The following CDK5RAP1 variants were observed in gnomAD, a reference collection of about 807,000 sequenced individuals.
CDK5RAP1 encodes the protein CDK5RAP1 mitochondrial tRNA methylthiotransferase.
CDK5RAP1 carries 62 observed loss-of-function variants against 64.5 expected under a neutral mutation model. That is an observed-to-expected ratio of 0.96 (90% confidence interval 0.78 to 1.19). CDK5RAP1 has a LOEUF of 1.19. Among genes scored for constraint, CDK5RAP1 ranks in the 50% most tolerant of loss-of-function variants. The pLI is 0.00. For missense variants in CDK5RAP1, 657 were observed against 735.0 expected (o/e 0.89, Z 1.23); for synonymous variants, 250 against 261.9 (o/e 0.95, Z 0.44).
chr20:33,360,857 G>C (rs974781033), intron 12 of CDK5RAP1, among the ~76,000 whole-genome samples: 10 of 152,182 alleles, frequency 6.6e-5, no homozygotes, highest in Non-Finnish European at 1.5e-4. Context: ...ACTTATGAAT[G>C]AATGTTCTGG....
At chr20:33,384,320 T>C (rs1336093197) in intron 7 of CDK5RAP1, among the ~76,000 whole-genome samples, 1 of 152,236 alleles carries the variant, frequency 6.6e-6, no homozygotes, top group African/African-American at 2.4e-5. Flanking sequence ...CCTTCTTTTA[T>C]AGGCAAATGG....
At chr20:33,361,976 G>T (rs932216552) in intron 12 of CDK5RAP1, among the ~76,000 whole-genome samples, 6 of 124,368 alleles carry the variant, frequency 4.8e-5, no homozygotes, top group African/African-American at 1.2e-4. Context: ...AAAAAAAAAA[G>T]GAAGGAAGGG....
chr20:33,391,547 C>T (rs1988323950), intron 5 of CDK5RAP1, among the ~76,000 whole-genome samples: 1 of 152,286 alleles, frequency 6.6e-6, no homozygotes, highest in South Asian at 2.1e-4. Context: ...TCAGGCCAGG[C>T]ACGGTGGCTC....
At chr20:33,397,604 C>T (rs1161920918) in intron 1 of CDK5RAP1, among the ~76,000 whole-genome samples, 1 of 152,236 alleles carries the variant, frequency 6.6e-6, no homozygotes, top group African/African-American at 2.4e-5. Context: ...GTGAAAACCA[C>T]TCACTGTCTG....
At chr20:33,396,023 A>G (rs1194051070) in intron 2 of CDK5RAP1, among the ~76,000 whole-genome samples, 4 of 152,192 alleles carry the variant, frequency 2.6e-5, no homozygotes, top group African/African-American at 9.6e-5. Flanking sequence ...AAAACAAAAA[A>G]GAAAAGAAAA....
intron 12 of CDK5RAP1, among the ~76,000 whole-genome samples, chr20:33,366,036 T>C (rs1983864145): frequency 6.6e-6 from 1 of 152,112 alleles, no homozygotes; most frequent in Non-Finnish European, 1.5e-5. Context: ...AAGAGCTTTG[T>C]GGTCGAGAGC....
rs78265691 is a variant in CDK5RAP1 at position 33,385,837 on chromosome 20, A to T, written c.756-67T>A. 3.5e-3 allele frequency: 5,125 copies of T among 1,455,052 alleles called. 137 individuals carry two copies. In the African/African-American group the frequency reaches 0.063, roughly 18 times the overall value. The allele number at this position is 1,455,052 out of a possible 1,614,324, so 90.1% of individuals were successfully genotyped here. A position where few individuals can be genotyped will look rare whatever the true frequency, so the allele number is the denominator to read the frequency against. On this transcript the variant is annotated intron_variant, in intron 6 of 13. Coordinates refer to ENST00000346416, the MANE Select transcript of CDK5RAP1 (RefSeq NM_016408.4). ...GTGCTGGTATGACCCAAGGAGCAGG[A>T]CTCAGCTTCAATAGCATTATTCTTT... is the stretch of plus-strand genomic sequence containing the variant.
intron 1 of CDK5RAP1, among the ~76,000 whole-genome samples, chr20:33,399,577 T>C (rs774907775): frequency 3.4e-4 from 52 of 152,328 alleles, no homozygotes; most frequent in Non-Finnish European, 5.9e-4. Flanking sequence ...CCATCTCCCA[T>C]TGTGGTAGCT....
At position 33,374,160 on chromosome 20, in the gene CDK5RAP1, G is replaced by A; in HGVS notation, c.1160C>T (p.Pro387Leu). 6.2e-7 allele frequency: 1 copy of A among 1,614,036 alleles called. No individual in the cohort carries two copies. The highest frequency in any genetic ancestry group is 1.7e-5 in the Admixed American group (1 of 60,020). ...RDNICKQIHL[P>L]AQSGSSRVLE... ...CACACGGCTGCTTCCACTCTGGGCT[G>A]GCAGGTGGATCTGTTTACAGATGTT... The change falls in exon 9 of 14, where the codon CCA (proline) becomes CTA (leucine). Residue 387 changes from proline (P) to leucine (L), a missense_variant. By Grantham distance (98) the Pro-to-Leu change is moderately conservative (BLOSUM62 -3). Transcript: ENST00000346416.
chr20:33,396,822 T>C lies in CDK5RAP1; in HGVS notation c.243A>G (p.Ser81=). 1 of 1,614,118 alleles carries C rather than the reference T, an allele frequency of 6.2e-7. No individual in the cohort carries two copies. Among genetic ancestry groups the C allele is most frequent in the African/African-American group, 1.3e-5 (1 of 75,068 alleles). ...SASAPQEKLS[S]EVEDPPPYLM... is the part of the protein sequence containing the mutation. ...GATAGGGAGGTGGGTCTTCCACTTC[T>C]GAAGACAGCTTCTCCTGAGGAGCTG... is the stretch of plus-strand genomic sequence containing the variant. Residue 81 remains serine (S), a synonymous_variant, in exon 2 of 14, where the codon TCA becomes TCG. Transcript: ENST00000346416.
chr20:33,387,388 A>G lies in CDK5RAP1; in HGVS notation c.690T>C (p.Ser230=). The change falls in exon 6 of 14, where the codon TCT becomes TCC. Residue 230 remains serine (S), a synonymous_variant. Transcript: ENST00000346416. ...SGQQAANVLL[S]LDETYADVMP... Reference sequence around the variant, plus strand: ...TGACATCAGCATAGGTCTCGTCCAGAGAGAGCAGCACGTTGGCAGCTTGCT... The same window carrying G: ...TGACATCAGCATAGGTCTCGTCCAGGGAGAGCAGCACGTTGGCAGCTTGCT... The G allele has an allele frequency of 6.2e-7, 1 of 1,614,184 alleles. No homozygotes were observed. The highest frequency in any genetic ancestry group is 8.5e-7 in the Non-Finnish European group (1 of 1,180,040).
chr20:33,375,415 AAAG>A, intron 8 of CDK5RAP1, among the ~76,000 whole-genome samples: 1 of 149,296 alleles, frequency 6.7e-6, no homozygotes, highest in Admixed American at 6.6e-5. Context: ...AAAAAAAAAA[AAAG>A]AAAAAGAAAA....
At chr20:33,364,946 T>C (rs1983626592) in intron 12 of CDK5RAP1, among the ~76,000 whole-genome samples, 1 of 150,912 alleles carries the variant, frequency 6.6e-6, no homozygotes, top group Admixed American at 6.6e-5. Flanking sequence ...TGGAGTAAGG[T>C]GGCACAATCT....
intron 7 of CDK5RAP1, among the ~76,000 whole-genome samples, chr20:33,382,507 C>G (rs1032903135): frequency 6.6e-6 from 1 of 151,934 alleles, no homozygotes; most frequent in African/African-American, 2.4e-5. Context: ...ATGGTGAAAC[C>G]CCGTCTCTAC....
intron 7 of CDK5RAP1, among the ~76,000 whole-genome samples, chr20:33,385,377 C>A (rs944451980): frequency 6.6e-6 from 1 of 152,226 alleles, no homozygotes; most frequent in Non-Finnish European, 1.5e-5. Context: ...ATTACGACGA[C>A]AGTTAAATTG....
chr20:33,369,643 T>C lies in CDK5RAP1; in HGVS notation c.1392+856A>G, dbSNP rs571323397. ...GCTTTAAAATGAATTAGTTGAGGTG[T>C]CATGACTCACGCCTGTCATCTCAGC... On this transcript the variant is annotated intron_variant, in intron 11 of 13. Transcript: ENST00000346416. Among the ~76,000 whole-genome samples the C allele has an allele frequency of 2.6e-5, 4 of 152,250 alleles. No homozygotes were observed. The East Asian group carries it at 5.8e-4, about 22-fold the overall frequency.
chr20:33,389,422 G>A (rs1018304463), intron 5 of CDK5RAP1, among the ~76,000 whole-genome samples: 6 of 151,830 alleles, frequency 4.0e-5, no homozygotes, highest in Admixed American at 2.0e-4. Context: ...GAGCCCCTCC[G>A]CCCGGCAGCT....
chr20:33,396,884 C>T lies in CDK5RAP1; in HGVS notation c.181G>A (p.Ala61Thr). ...AAAAAATGTTGAAAAGTCGGTCCAGCAGCCAGCCTGGAGCTGAAATCCTTC... is the reference window on the plus strand; with the variant it reads ...AAAAAATGTTGAAAAGTCGGTCCAGTAGCCAGCCTGGAGCTGAAATCCTTC... ...ARKDFSSRLA[A>T]GPTFQHFLKS... is the part of the protein sequence containing the mutation. The change falls in exon 2 of 14, where the codon GCT becomes ACT. Residue 61 changes from alanine to threonine, a missense_variant. Ala to Thr is a moderately conservative substitution (Grantham distance 58). Coordinates refer to ENST00000346416, the MANE Select transcript of CDK5RAP1 (RefSeq NM_016408.4). 6.2e-7 allele frequency: 1 copy of T among 1,614,190 alleles called. No homozygotes were observed. Among genetic ancestry groups the T allele is most frequent in the East Asian group, 2.2e-5 (1 of 44,884 alleles).
intron 11 of CDK5RAP1, among the ~76,000 whole-genome samples, chr20:33,368,604 G>T (rs1447673624): frequency 2.6e-5 from 4 of 151,424 alleles, no homozygotes; most frequent in African/African-American, 9.7e-5. Flanking sequence ...CGGGCACAGT[G>T]GCTCATGCCT....
Sources: gnomAD v4.1 joint callset for allele counts (sites outside exome capture counted in the v4.1 genomes callset) on GRCh38, gnomAD v4.1.1 for gene constraint, MANE v1.5 for transcripts, NCBI Gene and HGNC (gene_info 2026-07-23, HGNC 2026-07-21) for gene names.